ATP8A1: variants seen among roughly 807,000 people sequenced by gnomAD.
The protein encoded by ATP8A1 is ATPase phospholipid transporting 8A1.
Under a neutral mutation model 177.7 loss-of-function variants are expected in ATP8A1, and 90 were observed. That is an observed-to-expected ratio of 0.51 (90% CI 0.43 to 0.60). ATP8A1 has a LOEUF of 0.60. ATP8A1 is among the 20% of genes least tolerant of loss of function. ATP8A1 has a pLI of 0.00. For synonymous variants in ATP8A1, 493 were observed against 485.9 expected (o/e 1.01, Z -0.19); for missense variants, 1,072 against 1,392.8 (o/e 0.77, Z 3.67).
Position 42,656,863 on chromosome 4 carries a change from A to G in ATP8A1, c.11T>C (p.Met4Thr). The stretch of plus-strand genomic sequence containing the variant: ...GCGGATCTCCGACACGGTCCTCCGC[A>G]TGGTGGGCATCGCGGCGGCGGCTGC... MPTMRRTVSEIRSR... is the reference protein window; with the variant it reads MPTTRRTVSEIRSR... Residue 4 changes from methionine to threonine, a missense_variant, in exon 1 of 37, where the codon ATG becomes ACG. Physicochemically the swap from Met to Thr is moderately conservative, Grantham distance 81. Coordinates refer to ENST00000381668, the MANE Select transcript of ATP8A1 (RefSeq NM_006095.2). The G allele has an allele frequency of 2.5e-6, 4 of 1,587,886 alleles. No individual in the cohort carries two copies. Among genetic ancestry groups the G allele is most frequent in the Non-Finnish European group, 3.4e-6 (4 of 1,167,438 alleles).
chr4:42,470,293 T>C (rs1424438859), intron 25 of ATP8A1, among the ~76,000 whole-genome samples: 1 of 152,210 alleles, frequency 6.6e-6, no homozygotes, highest in Non-Finnish European at 1.5e-5. Flanking sequence ...ATTTTTCTTA[T>C]TTTCTATGCA....
intron 30 of ATP8A1, among the ~76,000 whole-genome samples, chr4:42,450,340 A>T (rs1218521572): frequency 6.6e-6 from 1 of 152,176 alleles, no homozygotes; most frequent in Non-Finnish European, 1.5e-5. Context: ...ACAGGGAGTG[A>T]TTGCCAATGG....
intron 9 of ATP8A1, 82 bp downstream of exon 9, chr4:42,586,267 A>G: frequency 6.7e-7 from 1 of 1,491,540 alleles, no homozygotes; most frequent in Non-Finnish European, 9.1e-7. Context: ...CAAGAAGATA[A>G]TATGTATCCA....
At chr4:42,599,891 C>T (rs973562981) in intron 6 of ATP8A1, among the ~76,000 whole-genome samples, 5 of 152,164 alleles carry the variant, frequency 3.3e-5, no homozygotes, top group Admixed American at 2.6e-4. Context: ...ATAATAATTG[C>T]TTACCTTTTG....
intron 33 of ATP8A1, among the ~76,000 whole-genome samples, chr4:42,440,335 GTT>G (rs35291607): frequency 0.36 from 48,574 of 135,092 alleles, 9,069 homozygotes; most frequent in East Asian, 0.61. Flanking sequence ...AGCTCCTCCA[GTT>G]TTTTTTTTTT....
At chr4:42,584,923 T>C (rs1055722930) in intron 9 of ATP8A1, among the ~76,000 whole-genome samples, 12 of 152,176 alleles carry the variant, frequency 7.9e-5, no homozygotes, top group African/African-American at 1.4e-4. Flanking sequence ...ATCCTCACAA[T>C]GGCCTACAAA....
chr4:42,642,110 C>A (rs1304132992), intron 1 of ATP8A1, among the ~76,000 whole-genome samples: 1 of 152,080 alleles, frequency 6.6e-6, no homozygotes, highest in Non-Finnish European at 1.5e-5. Context: ...ATACACTGTC[C>A]ACAAACAAGA....
chr4:42,492,845 G>A (rs985534532), intron 24 of ATP8A1, among the ~76,000 whole-genome samples: 8 of 152,238 alleles, frequency 5.3e-5, no homozygotes, highest in Non-Finnish European at 7.3e-5. Context: ...ATGAACATAA[G>A]TTCAGGAAGC....
At chr4:42,583,973 A>G (rs1236341488) in intron 9 of ATP8A1, among the ~76,000 whole-genome samples, 1 of 152,228 alleles carries the variant, frequency 6.6e-6, no homozygotes, top group African/African-American at 2.4e-5. Context: ...GTCTTTAACC[A>G]GATGTTCATG....
In ATP8A1 at chr4:42,599,636, A is replaced by C. The variant is rs564305714; in HGVS notation, c.450+842T>G. 4.1e-4 allele frequency among the ~76,000 whole-genome samples: 63 copies of C among 152,300 alleles called. 1 individual carries two copies. In the South Asian group the frequency reaches 8.1e-3, roughly 20 times the overall value. On this transcript the variant is annotated intron_variant, in intron 6 of 36. Coordinates refer to ENST00000381668, the MANE Select transcript of ATP8A1 (RefSeq NM_006095.2). ...TACAAGATGACCATGACAAGGTAGA[A>C]TCAAGGGCATGGACTTCAACTAGCT...
chr4:42,549,096 T>C (rs1248681979), intron 18 of ATP8A1, 34 bp from the exon 19 acceptor site: 3 of 1,533,910 alleles, frequency 2.0e-6, no homozygotes, highest in South Asian at 2.3e-5. Flanking sequence ...TTACATACAG[T>C]TGGAAAAGTC....
chr4:42,597,353 C>T (rs1189943098), intron 6 of ATP8A1, among the ~76,000 whole-genome samples: 1 of 152,192 alleles, frequency 6.6e-6, no homozygotes, highest in Non-Finnish European at 1.5e-5. Flanking sequence ...ACAAGTAAGG[C>T]TGCTTTTGTG....
intron 16 of ATP8A1, among the ~76,000 whole-genome samples, chr4:42,555,197 T>C (rs1463599163): frequency 8.2e-6 from 1 of 121,760 alleles, no homozygotes; most frequent in Admixed American, 8.3e-5. Context: ...TATCTATCTA[T>C]CCTATTAGTT....
chr4:42,571,571 G>C (rs1156879200), intron 14 of ATP8A1, among the ~76,000 whole-genome samples: 1 of 151,582 alleles, frequency 6.6e-6, no homozygotes, highest in African/African-American at 2.4e-5. Flanking sequence ...CCTATTCCGG[G>C]TATTCAAGTA....
At chr4:42,554,156 A>G (rs1729805667) in intron 16 of ATP8A1, among the ~76,000 whole-genome samples, 1 of 152,216 alleles carries the variant, frequency 6.6e-6, no homozygotes, top group Non-Finnish European at 1.5e-5. Flanking sequence ...ATGGGCAACA[A>G]TAACTGGAGA....
chr4:42,510,725 G>A (rs1724917203), intron 22 of ATP8A1, among the ~76,000 whole-genome samples: 1 of 152,064 alleles, frequency 6.6e-6, no homozygotes, highest in Non-Finnish European at 1.5e-5. Context: ...GGAAAAATGA[G>A]CTCAGAAAGT....
chr4:42,642,666 A>G (rs181565773), intron 1 of ATP8A1, among the ~76,000 whole-genome samples: 2 of 152,342 alleles, frequency 1.3e-5, no homozygotes, highest in Admixed American at 1.3e-4. Context: ...GCGAGGGTGG[A>G]TGAAACAAAT....
At chr4:42,474,926 A>G (rs573792105) in intron 25 of ATP8A1, among the ~76,000 whole-genome samples, 178 of 152,312 alleles carry the variant, frequency 1.2e-3, no homozygotes, top group African/African-American at 4.1e-3. Context: ...AAACAAAATC[A>G]TAATAGATGG....
At chr4:42,513,549 C>G (rs1725228701) in intron 22 of ATP8A1, among the ~76,000 whole-genome samples, 1 of 151,968 alleles carries the variant, frequency 6.6e-6, no homozygotes, top group African/African-American at 2.4e-5. Context: ...GAGGTGATTC[C>G]AAATGAGAAG....
Sources: gnomAD v4.1 joint callset for allele counts (sites outside exome capture counted in the v4.1 genomes callset) on GRCh38, gnomAD v4.1.1 for gene constraint, MANE v1.5 for transcripts, NCBI Gene and HGNC (gene_info 2026-07-23, HGNC 2026-07-21) for gene names.